Variants in LIPJ observed in about 807,000 individuals in gnomAD.
LIPJ encodes the protein lipase member J.
Under a neutral mutation model 39.8 loss-of-function variants are expected in LIPJ, and 33 were observed. The ratio of observed to expected loss-of-function variants is 0.83; its 90% confidence interval spans 0.63 to 1.11. The LOEUF is 1.11. LIPJ is among the 50% of genes least tolerant of loss of function. The pLI is 0.00. For synonymous variants in LIPJ, 128 were observed against 139.2 expected (o/e 0.92, Z 0.57); for missense variants, 422 against 427.9 (o/e 0.99, Z 0.12).
At chr10:88,604,176 T>C (rs918787851) in intron 9 of LIPJ, among the ~76,000 whole-genome samples, 1 of 152,098 alleles carries the variant, frequency 6.6e-6, no homozygotes, top group African/African-American at 2.4e-5. Flanking sequence ...GGGAAGTGGG[T>C]TGTACTTTTG....
chr10:88,602,619 C>G, exon 9 of LIPJ: 1 of 1,361,742 alleles, frequency 7.3e-7, no homozygotes, highest in Non-Finnish European at 9.9e-7. Context: ...GCAGGAACAT[C>G]TGTTCAAAAT....
At chr10:88,594,131 T>C in exon 5 of LIPJ, 1 of 1,609,578 alleles carries the variant, frequency 6.2e-7, no homozygotes, top group Non-Finnish European at 8.5e-7. Flanking sequence ...TTCCAAAGAA[T>C]TCTGGGCTTT....
At chr10:88,583,086 C>T, upstream of LIPJ, 2 of 1,613,796 alleles carry the variant, frequency 1.2e-6, no homozygotes, top group Non-Finnish European at 8.5e-7. Flanking sequence ...AGTCCTCAGC[C>T]TTGTCCCACA....
chr10:88,583,192 G>A (rs186416966), upstream of LIPJ: 79 of 1,613,804 alleles, frequency 4.9e-5, no homozygotes, highest in Admixed American at 2.0e-4. Flanking sequence ...CTGCGCCATG[G>A]CGAGAGGGAG....
upstream of LIPJ, chr10:88,583,381 C>CT: frequency 7.2e-7 from 1 of 1,391,164 alleles, no homozygotes; most frequent in East Asian, 2.8e-5. Context: ...AGAGGCCCCT[C>CT]CGTCCTTGAG....
At chr10:88,583,972 T>G (rs1208427756), upstream of LIPJ, 1 of 153,046 alleles carries the variant, frequency 6.5e-6, no homozygotes, top group South Asian at 2.1e-4. Context: ...CTCCTGACAT[T>G]GTACTGGAAG....
the LIPJ span, among the ~76,000 whole-genome samples, chr10:88,620,410 A>T: frequency 1.1e-4 from 16 of 152,244 alleles, no homozygotes; most frequent in African/African-American, 3.6e-4. Flanking sequence ...AATAGAAGTG[A>T]GATCAAAGAT....
intron 4 of LIPJ, 72 bp from the exon 5 acceptor site, chr10:88,593,874 G>T (rs1851163164): frequency 7.5e-7 from 1 of 1,335,376 alleles, no homozygotes; most frequent in South Asian, 1.4e-5. Context: ...CTAAAAGTTT[G>T]AATTTCAGAT....
chr10:88,588,416 G>A (rs985382964), intron 2 of LIPJ, among the ~76,000 whole-genome samples: 2 of 151,698 alleles, frequency 1.3e-5, no homozygotes, highest in Admixed American at 1.3e-4. Context: ...TTATATAAAT[G>A]CTGTTGTTTA....
exon 11 of LIPJ, chr10:88,606,712 G>C: frequency 6.2e-7 from 1 of 1,612,918 alleles, no homozygotes; most frequent in Non-Finnish European, 8.5e-7. Context: ...ACATGAATGT[G>C]GCAACTGCAA....
the LIPJ span, among the ~76,000 whole-genome samples, chr10:88,619,174 GTTC>G: frequency 3.6e-4 from 48 of 131,854 alleles, no homozygotes; most frequent in Non-Finnish European, 6.6e-4. Flanking sequence ...TGGAAGCTTT[GTTC>G]TTTCACTCTT....
intron 8 of LIPJ, 54 bp from the exon 9 acceptor site, chr10:88,602,522 T>G (rs1851525103): frequency 8.2e-7 from 1 of 1,220,714 alleles, no homozygotes; most frequent in Non-Finnish European, 1.1e-6. Context: ...AAGATTATGC[T>G]CTCTATGATT....
chr10:88,616,391 G>A, the LIPJ span, among the ~76,000 whole-genome samples: 5 of 152,276 alleles, frequency 3.3e-5, no homozygotes, highest in South Asian at 1.0e-3. Flanking sequence ...GATCCCCCAG[G>A]GCCGACTGGA....
the LIPJ span, among the ~76,000 whole-genome samples, chr10:88,613,526 AG>A: frequency 6.6e-6 from 1 of 151,868 alleles, no homozygotes; most frequent in African/African-American, 2.4e-5. Flanking sequence ...GAGGGTAATG[AG>A]GGTGCAATGG....
At chr10:88,604,969 C>CTAAG (rs1244800309) in intron 9 of LIPJ, among the ~76,000 whole-genome samples, 2 of 151,992 alleles carry the variant, frequency 1.3e-5, no homozygotes, top group Non-Finnish European at 2.9e-5. Flanking sequence ...GTGGCAGAAA[C>CTAAG]TAAGTTGGCT....
At chr10:88,605,563 C>T in intron 9 of LIPJ, 70 bp from the exon 10 acceptor site, 1 of 1,031,310 alleles carries the variant, frequency 9.7e-7, no homozygotes, top group Non-Finnish European at 1.5e-6. Context: ...ATATGCATTG[C>T]ATGCTTAACT....
At chr10:88,618,075 A>G in the LIPJ span, 14 of 152,162 alleles carry the variant, frequency 9.2e-5, no homozygotes, top group African/African-American at 3.1e-4. Flanking sequence ...AGCCAGATCA[A>G]CCTCAATAAT....
the LIPJ span, among the ~76,000 whole-genome samples, chr10:88,620,890 A>G: frequency 6.6e-6 from 1 of 152,152 alleles, no homozygotes; most frequent in East Asian, 1.9e-4. Flanking sequence ...TGGCAGATCC[A>G]GGGTCTGGTG....
At chr10:88,622,537 T>A in the LIPJ span, among the ~76,000 whole-genome samples, 2 of 152,150 alleles carry the variant, frequency 1.3e-5, no homozygotes, top group Non-Finnish European at 2.9e-5. Context: ...TCAGGTGGGC[T>A]CGAGAATTTG....
Sources: gnomAD v4.1 joint callset for allele counts (sites outside exome capture counted in the v4.1 genomes callset) on GRCh38, gnomAD v4.1.1 for gene constraint, MANE v1.5 for transcripts, NCBI Gene and HGNC (gene_info 2026-07-23, HGNC 2026-07-21) for gene names.